The following KIF27 variants were observed in gnomAD, a reference collection of about 807,000 sequenced individuals.
The protein encoded by KIF27 is kinesin family member 27.
A neutral mutation model predicts 141.8 loss-of-function variants in KIF27; 84 were observed. That is an observed-to-expected ratio of 0.59 (90% CI 0.50 to 0.71). The LOEUF (loss-of-function observed/expected upper bound fraction) is 0.71, where lower values mean the gene tolerates loss of function less well. KIF27 is among the 30% of genes least tolerant of loss of function. The pLI is 0.00. For missense variants in KIF27, 1,306 were observed against 1,628.4 expected, an observed-to-expected ratio of 0.80 and a Z score of 3.41; for synonymous variants, 471 against 569.5, an observed-to-expected ratio of 0.83 and a Z score of 2.46.
Position 83,852,411 on chromosome 9 carries a change from C to T in KIF27, c.3357+1218G>A, listed in dbSNP as rs554129278. Among the ~76,000 whole-genome samples the T allele has an allele frequency of 2.0e-5, 3 of 151,110 alleles. No homozygotes were observed. The East Asian group carries it at 5.9e-4, about 30-fold the overall frequency. On this transcript the variant is annotated intron_variant, in intron 15 of 17. Coordinates refer to ENST00000297814, the MANE Select transcript of KIF27 (RefSeq NM_017576.4). The stretch of plus-strand genomic sequence containing the variant: ...GAGCTTGCACTGAGCCGAGATCACG[C>T]CACTGCACTCCAGCCTGGGCGACAG...
At chr9:83,868,047 T>G in intron 12 of KIF27, 187 bp from the exon 13 acceptor site, 1 of 561,700 alleles carries the variant, frequency 1.8e-6, no homozygotes, top group Non-Finnish European at 2.9e-6. Flanking sequence ...GTAGCTATGT[T>G]GTTTTATAAA....
chr9:83,903,703 A>G lies in KIF27; in HGVS notation c.815T>C (p.Leu272Pro). Residue 272 changes from leucine to proline, a missense_variant, in exon 4 of 18, where the codon CTG (leucine) becomes CCG (proline). Physicochemically the swap from Leu to Pro is moderately conservative, Grantham distance 98 (BLOSUM62 -3). Around this residue, in one of 4 missense-constraint regions of KIF27, gnomAD observed 533 missense variants for 565.6 expected, o/e 0.94. Transcript: ENST00000297814. ...AGCGCTTATTACATTTCCTAAAGCC[A>G]GCAATCCACTATTGATTTGAATGGA... ...KESIQINSGL[L>P]ALGNVISALG... 1 of 1,614,196 alleles carries G rather than the reference A, an allele frequency of 6.2e-7. No individual in the cohort carries two copies. The highest frequency in any genetic ancestry group is 8.5e-7 in the Non-Finnish European group (1 of 1,180,038).
intron 17 of KIF27, among the ~76,000 whole-genome samples, chr9:83,841,810 C>T (rs1347321128): frequency 6.6e-6 from 1 of 152,098 alleles, no homozygotes; most frequent in Non-Finnish European, 1.5e-5. Flanking sequence ...GGTTCTATTA[C>T]ATTTTTTAAT....
intron 13 of KIF27, among the ~76,000 whole-genome samples, chr9:83,862,399 G>T (rs1308261572): frequency 3.3e-5 from 5 of 152,176 alleles, no homozygotes; most frequent in African/African-American, 1.2e-4. Context: ...CATATGGCTA[G>T]CCAGTTTTCC....
intron 16 of KIF27, among the ~76,000 whole-genome samples, chr9:83,848,070 G>GAT (rs10622451): frequency 0.88 from 37,830 of 43,208 alleles, 17,625 homozygotes; most frequent in East Asian, 0.93. Flanking sequence ...TCATATATAT[G>GAT]ATATATGATA....
chr9:83,902,149 A>G (rs1363350458), intron 4 of KIF27, among the ~76,000 whole-genome samples: 1 of 152,216 alleles, frequency 6.6e-6, no homozygotes, highest in Non-Finnish European at 1.5e-5. Context: ...ATAATATTAC[A>G]TGTAAAAAGG....
intron 11 of KIF27, among the ~76,000 whole-genome samples, chr9:83,879,572 G>C (rs146163225): frequency 6.6e-6 from 1 of 151,994 alleles, no homozygotes; most frequent in Non-Finnish European, 1.5e-5. Context: ...CAACGGAACA[G>C]AGCCTGGCAC....
chr9:83,865,895 T>C (rs1319957434), intron 13 of KIF27, among the ~76,000 whole-genome samples: 1 of 152,190 alleles, frequency 6.6e-6, no homozygotes, highest in Non-Finnish European at 1.5e-5. Flanking sequence ...GGCTTCCAAA[T>C]TTAAGAGTTT....
chr9:83,912,123 G>C (rs1315974812), intron 2 of KIF27, among the ~76,000 whole-genome samples: 1 of 152,164 alleles, frequency 6.6e-6, no homozygotes, highest in Non-Finnish European at 1.5e-5. Flanking sequence ...AAAATAAGTG[G>C]AGGGAAAAGC....
intron 3 of KIF27, among the ~76,000 whole-genome samples, chr9:83,907,634 AC>A (rs1425725321): frequency 6.6e-6 from 1 of 151,926 alleles, no homozygotes; most frequent in Non-Finnish European, 1.5e-5. Flanking sequence ...GAGGAACACA[AC>A]AAAAAAAAAC....
At chr9:83,897,097 A>G (rs373614044) in intron 5 of KIF27, among the ~76,000 whole-genome samples, 26 of 152,280 alleles carry the variant, frequency 1.7e-4, no homozygotes, top group East Asian at 1.3e-3. Context: ...ATATCTCAAT[A>G]AAGTAATTAT....
intron 5 of KIF27, among the ~76,000 whole-genome samples, chr9:83,899,105 G>A (rs893167594): frequency 6.6e-6 from 1 of 152,196 alleles, no homozygotes; most frequent in Non-Finnish European, 1.5e-5. Context: ...CTGATAGGAA[G>A]CTAAAGGCTT....
intron 1 of KIF27, among the ~76,000 whole-genome samples, chr9:83,916,624 T>C (rs1955708378): frequency 6.6e-6 from 1 of 151,992 alleles, no homozygotes; most frequent in Non-Finnish European, 1.5e-5. Context: ...TAAAAATATA[T>C]ATAAACAAAT....
rs191273958 is a variant in KIF27, at chr9:83,848,202, A to T, written c.3556+1897T>A. Among the ~76,000 whole-genome samples the T allele has an allele frequency of 6.9e-5, 4 of 58,368 alleles. 1 individual carries two copies. Among genetic ancestry groups the T allele is most frequent in the South Asian group, 5.1e-4 (1 of 1,958 alleles). The allele number at this position is 58,368 out of a possible 152,430, so 38.3% of individuals were successfully genotyped here. On this transcript the variant is annotated intron_variant, in intron 16 of 17. Transcript: ENST00000297814. ...TCATATATGATATATATGATATATC[A>T]GATATGATATATATGATATATCAGA...
At chr9:83,896,183 C>A (rs1473627911) in intron 5 of KIF27, among the ~76,000 whole-genome samples, 1 of 152,018 alleles carries the variant, frequency 6.6e-6, no homozygotes, top group Non-Finnish European at 1.5e-5. Flanking sequence ...GCAGAGGTTG[C>A]AGTGAGCGGA....
At chr9:83,839,796 T>G (rs1946349461) in intron 17 of KIF27, among the ~76,000 whole-genome samples, 2 of 152,008 alleles carry the variant, frequency 1.3e-5, no homozygotes, top group African/African-American at 4.8e-5. Flanking sequence ...TACAAAAAAT[T>G]AGCCGGGCCT....
intron 11 of KIF27, among the ~76,000 whole-genome samples, chr9:83,874,182 C>T (rs1951026582): frequency 6.6e-6 from 1 of 152,110 alleles, no homozygotes; most frequent in African/African-American, 2.4e-5. Context: ...CTGTGCTAGA[C>T]TTTTTATATC....
At chr9:83,904,950 T>G (rs1405641229) in intron 3 of KIF27, among the ~76,000 whole-genome samples, 3 of 151,678 alleles carry the variant, frequency 2.0e-5, no homozygotes, top group African/African-American at 7.3e-5. Flanking sequence ...CTGTTTACCT[T>G]GCATCAGAGT....
intron 5 of KIF27, among the ~76,000 whole-genome samples, chr9:83,892,744 G>C (rs1302126233): frequency 1.3e-5 from 2 of 152,140 alleles, no homozygotes; most frequent in Non-Finnish European, 2.9e-5. Flanking sequence ...TTAATCAAAA[G>C]AAAGCTGGTG....
Sources: gnomAD v4.1 joint callset for allele counts (sites outside exome capture counted in the v4.1 genomes callset) on GRCh38, gnomAD v4.1.1 for gene constraint, gnomAD v4.1.1 regional missense constraint, MANE v1.5 for transcripts, NCBI Gene and HGNC (gene_info 2026-07-23, HGNC 2026-07-21) for gene names.